Variants in SLC25A12 observed in about 807,000 individuals in gnomAD.
The protein encoded by SLC25A12 is solute carrier family 25 member 12.
A neutral mutation model predicts 83.3 loss-of-function variants in SLC25A12; 32 were observed. The ratio of observed to expected loss-of-function variants is 0.38; its 90% CI spans 0.29 to 0.52. The LOEUF (loss-of-function observed/expected upper bound fraction) is 0.52. Ranked by LOEUF, SLC25A12 falls within the 20% of genes least tolerant of loss-of-function variation. The probability of loss-of-function intolerance (pLI) is 0.84; values close to 1 mark genes in which losing one functional copy is unlikely to be tolerated. For synonymous variants in SLC25A12, 267 were observed against 291.1 expected (o/e 0.92, Z 0.84); for missense variants, 611 against 835.6 (o/e 0.73, Z 3.31).
At chr2:171,824,184 A>T (rs72885515) in intron 9 of SLC25A12, among the ~76,000 whole-genome samples, 92 of 152,312 alleles carry the variant, frequency 6.0e-4, no homozygotes, top group Non-Finnish European at 1.2e-3. Flanking sequence ...CCTTGAGGCC[A>T]CCCATCCCAG....
At chr2:171,867,345 T>G (rs1685354253) in intron 3 of SLC25A12, among the ~76,000 whole-genome samples, 1 of 151,836 alleles carries the variant, frequency 6.6e-6, no homozygotes, top group Non-Finnish European at 1.5e-5. Context: ...TGGGCACCAT[T>G]GAGCACTGAG....
rs1322076678 is a variant in SLC25A12 at position 171,867,136 on chromosome 2, C to T, written c.209+1545G>A. On this transcript the variant is annotated intron_variant, in intron 3 of 17. Coordinates refer to ENST00000422440, the MANE Select transcript of SLC25A12 (RefSeq NM_003705.5). Reference sequence around the variant, plus strand: ...GGATGGCGGCCGGGCAGAGACGCTCCTCACTTTCCAGACTGGGCAGCCAGG... The same window carrying T: ...GGATGGCGGCCGGGCAGAGACGCTCTTCACTTTCCAGACTGGGCAGCCAGG... Among the ~76,000 whole-genome samples the T allele has an allele frequency of 1.4e-4, 21 of 149,024 alleles. No individual in the cohort carries two copies. In the South Asian group the frequency reaches 1.8e-3, roughly 13 times the overall value.
intron 9 of SLC25A12, among the ~76,000 whole-genome samples, chr2:171,821,390 C>T (rs182217302): frequency 6.6e-6 from 1 of 152,110 alleles, no homozygotes; most frequent in African/African-American, 2.4e-5. Context: ...AGGAGAGGAA[C>T]CAACAGGTCA....
intron 3 of SLC25A12, among the ~76,000 whole-genome samples, chr2:171,862,175 T>C (rs1241130118): frequency 1.3e-5 from 2 of 152,200 alleles, no homozygotes; most frequent in Non-Finnish European, 2.9e-5. Flanking sequence ...ACACCAGTTT[T>C]CTACATCACA....
chr2:171,813,394 G>A lies in SLC25A12; in HGVS notation c.1116C>T (p.Ser372=). The A allele has an allele frequency of 6.2e-7, 1 of 1,614,056 alleles. No homozygotes were observed. Among genetic ancestry groups the A allele is most frequent in the Non-Finnish European group, 8.5e-7 (1 of 1,179,950 alleles). ...GCAAGACTTTCTTAAAACAGTCAAA[G>A]CTGTTTTTGTACATTAGCTCCCCAA... The part of the protein sequence containing the change: ...SVVGELMYKN[S]FDCFKKVLRY... Residue 372 remains serine (S), a synonymous_variant, in exon 11 of 18, where the codon AGC becomes AGT. Coordinates refer to ENST00000422440, the MANE Select transcript of SLC25A12 (RefSeq NM_003705.5).
chr2:171,866,757 T>G (rs1241999136), intron 3 of SLC25A12, among the ~76,000 whole-genome samples: 5 of 88,746 alleles, frequency 5.6e-5, no homozygotes, highest in Admixed American at 2.2e-4. Flanking sequence ...GCTGGCCGGG[T>G]GGGGGGCTGA....
rs181951990 is a variant in SLC25A12 at position 171,892,689 on chromosome 2, A to G, written c.66+516T>C. The stretch of plus-strand genomic sequence containing the variant: ...AAAAGCTTAGAAGTTAAGGTAGACC[A>G]TTGCAAGAATCTTAAGAGGTAACAT... On this transcript the variant is annotated intron_variant, in intron 2 of 17. Transcript: ENST00000422440. Among the ~76,000 whole-genome samples the G allele has an allele frequency of 3.5e-4, 53 of 149,356 alleles. No homozygotes were observed. In the East Asian group the frequency reaches 7.7e-3, roughly 22 times the overall value.
At chr2:171,855,796 T>C (rs1198917689) in intron 4 of SLC25A12, 38 bp downstream of exon 4, 1 of 1,129,230 alleles carries the variant, frequency 8.9e-7, no homozygotes, top group Non-Finnish European at 1.4e-6. Context: ...TGGACCAGCA[T>C]CATTAACTTA....
At chr2:171,892,566 T>A (rs920265156) in intron 2 of SLC25A12, among the ~76,000 whole-genome samples, 38 of 152,186 alleles carry the variant, frequency 2.5e-4, no homozygotes, top group African/African-American at 8.9e-4. Context: ...TAGGAAACTT[T>A]TGAAATTTAA....
Position 171,868,880 on chromosome 2 carries a change from C to G in SLC25A12, c.67-57G>C. The G allele has an allele frequency of 2.1e-6, 3 of 1,396,586 alleles. No homozygotes were observed. The South Asian group carries it at 3.6e-5, about 17-fold the overall frequency. 86.5% of individuals were successfully genotyped at this position (1,396,586 alleles called of 1,614,324 possible). A position where few individuals can be genotyped will look rare whatever the true frequency, so the allele number is the denominator to read the frequency against. On this transcript the variant is annotated intron_variant, in intron 2 of 17. Transcript: ENST00000422440. ...AAATTATCCAATATCATTTTATATC[C>G]AATAAATGGTTTGTGAAAAGGTAAA...
chr2:171,853,510 G>A lies in SLC25A12; in HGVS notation c.325+2324C>T, dbSNP rs559015438. Among the ~76,000 whole-genome samples, 22 of 152,262 alleles carry A rather than the reference G, an allele frequency of 1.4e-4. No individual in the cohort carries two copies. The East Asian group carries it at 1.9e-3, about 13-fold the overall frequency. ...GCCTGACCAACATGGGCGAAGCCCC[G>A]TCTCTACTAAAAATACAAAAATTAG... On this transcript the variant is annotated intron_variant, in intron 4 of 17. Transcript: ENST00000422440.
intron 4 of SLC25A12, among the ~76,000 whole-genome samples, chr2:171,850,108 T>C (rs573660366): frequency 6.6e-6 from 1 of 151,800 alleles, no homozygotes; most frequent in East Asian, 1.9e-4. Flanking sequence ...CTGGCCGCCA[T>C]AGAATTCCCT....
rs982555541 is a variant in SLC25A12, at chr2:171,894,062, C to A, written c.12+141G>T. ...CCTCCGGTCCAAGCCCCGCACAGCT[C>A]TCCCCGCAGCAAGCCGGAGCCCCAG... On this transcript the variant is annotated intron_variant, in intron 1 of 17. Coordinates refer to ENST00000422440, the MANE Select transcript of SLC25A12 (RefSeq NM_003705.5). The A allele has an allele frequency of 7.6e-6, 9 of 1,185,282 alleles. No individual in the cohort carries two copies. The African/African-American group carries it at 1.2e-4, about 16-fold the overall frequency. The allele number at this position is 1,185,282 out of a possible 1,614,324, so 73.4% of individuals were successfully genotyped here.
chr2:171,858,965 A>G (rs1390057824), intron 3 of SLC25A12, among the ~76,000 whole-genome samples: 1 of 152,230 alleles, frequency 6.6e-6, no homozygotes, highest in Non-Finnish European at 1.5e-5. Context: ...TCATATATTC[A>G]TGCAACTTTG....
rs748792911 is a variant in SLC25A12, at chr2:171,783,543, G to A, written c.*1731C>T. Reference sequence around the variant, plus strand: ...ATAAATATGTACATATATTTCTATAGAGTTATGAAAAACAGACTACATATT... The same window carrying A: ...ATAAATATGTACATATATTTCTATAAAGTTATGAAAAACAGACTACATATT... On this transcript the variant is annotated 3_prime_UTR_variant, in exon 18 of 18. Transcript: ENST00000422440. 2.0e-5 allele frequency among the ~76,000 whole-genome samples: 3 copies of A among 152,054 alleles called. No individual in the cohort carries two copies. The highest frequency in any genetic ancestry group is 4.4e-5 in the Non-Finnish European group (3 of 68,028).
chr2:171,860,753 T>C (rs1201897272), intron 3 of SLC25A12, among the ~76,000 whole-genome samples: 1 of 151,674 alleles, frequency 6.6e-6, no homozygotes, highest in Non-Finnish European at 1.5e-5. Context: ...GAGGGATGGA[T>C]GGATATATGA....
chr2:171,885,798 G>A (rs1248117079), intron 2 of SLC25A12, among the ~76,000 whole-genome samples: 1 of 152,162 alleles, frequency 6.6e-6, no homozygotes, highest in Non-Finnish European at 1.5e-5. Flanking sequence ...TTTTCTGTGT[G>A]TCTCATACTG....
In SLC25A12 at chr2:171,791,399, AC is replaced by A. The variant is rs146521179; in HGVS notation, c.1585+51del. The A allele has an allele frequency of 2.7e-6, 4 of 1,458,172 alleles. No individual in the cohort carries two copies. The East Asian group carries it at 9.1e-5, about 33-fold the overall frequency. 90.3% of individuals were successfully genotyped at this position (1,458,172 alleles called of 1,614,324 possible). A position where few individuals can be genotyped will look rare whatever the true frequency, so the allele number is the denominator to read the frequency against. On this transcript the variant is annotated intron_variant, in intron 15 of 17. Transcript: ENST00000422440. ...GGGGGAAAGTACATAGAGATTCTGT[AC>A]TTTTTAAATAATGGGAGAATTCTTT...
intron 4 of SLC25A12, chr2:171,845,913 C>T (rs1380190607): frequency 1.3e-5 from 5 of 390,456 alleles, no homozygotes; most frequent in Admixed American, 3.1e-5. Flanking sequence ...TTTCACCTTA[C>T]ATAAATACAA....
Sources: gnomAD v4.1 joint callset for allele counts (sites outside exome capture counted in the v4.1 genomes callset) on GRCh38, gnomAD v4.1.1 for gene constraint, MANE v1.5 for transcripts, NCBI Gene and HGNC (gene_info 2026-07-23, HGNC 2026-07-21) for gene names.